Variants in COL25A1 observed in about 807,000 individuals in gnomAD.
COL25A1 encodes collagen alpha-1(XXV) chain.
Under a neutral mutation model 128.4 loss-of-function variants are expected in COL25A1, and 103 were observed. The ratio of observed to expected loss-of-function variants is 0.80; its 90% CI spans 0.68 to 0.94. The LOEUF (loss-of-function observed/expected upper bound fraction) is 0.94, where lower values mean the gene tolerates loss of function less well. Ranked by LOEUF, COL25A1 falls within the 40% of genes least tolerant of loss-of-function variation. The pLI is 0.00. For missense variants in COL25A1, 745 were observed against 840.0 expected (o/e 0.89, Z 1.40); for synonymous variants, 279 against 277.2 (o/e 1.01, Z -0.06).
Position 108,838,011 on chromosome 4 carries a change from C to T in COL25A1, c.1656+3684G>A, listed in dbSNP as rs116883630. ...TCTAATTACAGAAACCTCAACAGTA[C>T]GAGCTGCTGAGTAAACCAGAGTTAT... is the stretch of plus-strand genomic sequence containing the variant. On this transcript the variant is annotated intron_variant, in intron 31 of 37. Transcript: ENST00000399132. 1,048 of 907,558 alleles carry T rather than the reference C, an allele frequency of 1.2e-3. 14 individuals are homozygous for T. In the East Asian group the frequency reaches 0.019, roughly 16 times the overall value. 56.2% of individuals were successfully genotyped at this position (907,558 alleles called of 1,614,324 possible). A position where few individuals can be genotyped will look rare whatever the true frequency, so the allele number is the denominator to read the frequency against.
intron 19 of COL25A1, among the ~76,000 whole-genome samples, chr4:108,878,252 A>T (rs962811724): frequency 6.6e-6 from 1 of 152,068 alleles, no homozygotes; most frequent in Admixed American, 6.5e-5. Context: ...CTCTAAAAAA[A>T]CCTCTAGTAT....
chr4:109,152,741 A>T (rs1771622461), intron 3 of COL25A1, among the ~76,000 whole-genome samples: 2 of 152,226 alleles, frequency 1.3e-5, no homozygotes, highest in Non-Finnish European at 2.9e-5. Flanking sequence ...TTAAAGACAT[A>T]CGGCTAAGTA....
chr4:109,107,550 A>G (rs181811012), intron 3 of COL25A1, among the ~76,000 whole-genome samples: 7 of 152,316 alleles, frequency 4.6e-5, no homozygotes, highest in Admixed American at 2.0e-4. Context: ...TTGACAAGTG[A>G]AAGTTGGAAA....
intron 16 of COL25A1, 99 bp from the exon 17 acceptor site, chr4:108,889,832 A>G: frequency 2.0e-6 from 2 of 1,016,532 alleles, no homozygotes; most frequent in South Asian, 2.7e-5. Flanking sequence ...CTCAAAGGGT[A>G]TCTCATGACT....
intron 13 of COL25A1, among the ~76,000 whole-genome samples, chr4:108,906,217 C>A (rs927863170): frequency 1.3e-5 from 2 of 152,296 alleles, no homozygotes; most frequent in Admixed American, 6.5e-5. Flanking sequence ...CTGCTGCCCC[C>A]TCACATACTC....
In COL25A1 at chr4:108,949,602, C is replaced by T. The variant is rs374028930; in HGVS notation, c.493-8165G>A. 2.3e-3 allele frequency among the ~76,000 whole-genome samples: 347 copies of T among 151,726 alleles called. 1 individual carries two copies. The highest frequency in any genetic ancestry group is 7.9e-3 in the African/African-American group (325 of 41,338). ...AGACTGGAGTGCAGTGGCACGATCT[C>T]GGCTCACTGCAACCTCTACCTCCTG... On this transcript the variant is annotated intron_variant, in intron 8 of 37. Transcript: ENST00000399132.
intron 3 of COL25A1, among the ~76,000 whole-genome samples, chr4:109,104,870 G>A (rs1218977834): frequency 6.6e-6 from 1 of 152,112 alleles, no homozygotes; most frequent in Non-Finnish European, 1.5e-5. Flanking sequence ...TGGATATCTA[G>A]TGATAAGAAA....
chr4:109,140,635 A>C (rs1235728167), intron 3 of COL25A1, among the ~76,000 whole-genome samples: 4 of 152,084 alleles, frequency 2.6e-5, no homozygotes. Flanking sequence ...GTTCTCCTTG[A>C]AGAGGTACTT....
intron 3 of COL25A1, among the ~76,000 whole-genome samples, chr4:109,227,420 G>C (rs1007740439): frequency 2.0e-5 from 3 of 152,146 alleles, no homozygotes. Context: ...TGGCAGGGAA[G>C]GTATCTTGTA....
At chr4:108,942,299 C>A in intron 8 of COL25A1, 2 of 1,542,562 alleles carry the variant, frequency 1.3e-6, no homozygotes, top group Non-Finnish European at 1.8e-6. Flanking sequence ...CAAAACAACA[C>A]GACATAAAAC....
At chr4:108,887,286 C>T (rs1319988280) in intron 18 of COL25A1, among the ~76,000 whole-genome samples, 2 of 152,140 alleles carry the variant, frequency 1.3e-5, no homozygotes, top group East Asian at 1.9e-4. Flanking sequence ...GGAGCCTAAG[C>T]GCCAATGAAC....
chr4:109,072,713 T>C (rs542914146), intron 3 of COL25A1, among the ~76,000 whole-genome samples: 9 of 152,340 alleles, frequency 5.9e-5, no homozygotes, highest in African/African-American at 1.7e-4. Flanking sequence ...TTGAAGGCTC[T>C]GAGATGACAA....
intron 8 of COL25A1, among the ~76,000 whole-genome samples, chr4:108,971,796 G>C (rs1751941427): frequency 1.3e-5 from 2 of 152,198 alleles, no homozygotes; most frequent in Non-Finnish European, 2.9e-5. Flanking sequence ...GAAATAGAAA[G>C]ATTAATTGGA....
intron 20 of COL25A1, 84 bp downstream of exon 20, chr4:108,869,004 A>C: frequency 1.3e-6 from 1 of 799,886 alleles, no homozygotes; most frequent in South Asian, 1.6e-5. Flanking sequence ...AGAAAGAGAA[A>C]GGAAAGAAAA....
intron 3 of COL25A1, among the ~76,000 whole-genome samples, chr4:109,171,762 C>T (rs1211180014): frequency 6.6e-6 from 1 of 152,180 alleles, no homozygotes; most frequent in African/African-American, 2.4e-5. Flanking sequence ...GACGGCCACA[C>T]ACCTTGAAAT....
At chr4:108,814,132 C>T (rs1308816694) in intron 37 of COL25A1, among the ~76,000 whole-genome samples, 1 of 152,158 alleles carries the variant, frequency 6.6e-6, no homozygotes, top group African/African-American at 2.4e-5. Flanking sequence ...ATGGCAATTT[C>T]CATCTGAGGT....
At chr4:109,202,977 A>G (rs537112221) in intron 3 of COL25A1, among the ~76,000 whole-genome samples, 23 of 152,086 alleles carry the variant, frequency 1.5e-4, no homozygotes, top group African/African-American at 5.6e-4. Flanking sequence ...ATGAGAATGA[A>G]TAATAGCAGT....
At chr4:108,885,179 G>A (rs1165008266) in intron 18 of COL25A1, among the ~76,000 whole-genome samples, 1 of 152,174 alleles carries the variant, frequency 6.6e-6, no homozygotes, top group Non-Finnish European at 1.5e-5. Context: ...TAACAGTGAA[G>A]TGACAAAAGA....
At chr4:109,080,386 A>G (rs1278621580) in intron 3 of COL25A1, among the ~76,000 whole-genome samples, 1 of 152,138 alleles carries the variant, frequency 6.6e-6, no homozygotes, top group Non-Finnish European at 1.5e-5. Flanking sequence ...TTACCTAAGA[A>G]GGTTAATCCT....
Sources: gnomAD v4.1 joint callset for allele counts (sites outside exome capture counted in the v4.1 genomes callset) on GRCh38, gnomAD v4.1.1 for gene constraint, MANE v1.5 for transcripts, NCBI Gene and HGNC (gene_info 2026-07-23, HGNC 2026-07-21) for gene names.